Variants in CHADL observed in about 807,000 individuals in gnomAD.
CHADL encodes the protein chondroadherin-like protein.
In CHADL, 48 loss-of-function variants were observed where a neutral mutation model predicts 52.1. That is an observed-to-expected ratio of 0.92 (90% CI 0.73 to 1.17). The LOEUF (loss-of-function observed/expected upper bound fraction) is 1.17, where lower values mean the gene tolerates loss of function less well. Ranked by LOEUF, CHADL falls within the 50% of genes most tolerant of loss-of-function variation. CHADL has a pLI of 0.00. For synonymous variants in CHADL, 498 were observed against 511.2 expected, an observed-to-expected ratio of 0.97 and a Z score of 0.35; for missense variants, 977 against 1,035.1, an observed-to-expected ratio of 0.94 and a Z score of 0.77.
At position 41,235,195 on chromosome 22, in the gene CHADL, G is replaced by A; in HGVS notation, c.2212C>T (p.Pro738Ser). The change falls in exon 5 of 6, where the codon CCC becomes TCC. Residue 738 changes from proline (P) to serine (S), a missense_variant. Coordinates refer to ENST00000216241, the MANE Select transcript of CHADL (RefSeq NM_138481.2). ...TTGATGGGGGTTCTCCTGGCACTGG[G>A]CCTGGAGGCTGGTGTCCGCTTGGCC... Reference protein sequence around the residue: ...RKAKRTPASRPSARRTPIKGR... With the variant: ...RKAKRTPASRSSARRTPIKGR... 1 of 1,551,546 alleles carries A rather than the reference G, an allele frequency of 6.4e-7. No individual in the cohort carries two copies. The highest frequency in any genetic ancestry group is 8.7e-7 in the Non-Finnish European group (1 of 1,147,016).
At chr22:41,237,103 G>T in intron 3 of CHADL, 73 bp downstream of exon 3, 1 of 1,421,872 alleles carries the variant, frequency 7.0e-7, no homozygotes, top group Non-Finnish European at 9.4e-7. Flanking sequence ...GCAAATGCTT[G>T]TTGAGTGAAT....
rs2032810115 is a variant in CHADL, at chr22:41,238,966, C to G, written c.187-81G>C. The G allele has an allele frequency of 6.9e-7, 1 of 1,439,312 alleles. No homozygotes were observed. Among genetic ancestry groups the G allele is most frequent in the East Asian group, 2.5e-5 (1 of 39,972 alleles). The allele number at this position is 1,439,312 out of a possible 1,614,324, so 89.2% of individuals were successfully genotyped here. A position where few individuals can be genotyped will look rare whatever the true frequency, so the allele number is the denominator to read the frequency against. On this transcript the variant is annotated intron_variant, in intron 2 of 5. Transcript: ENST00000216241. This position sits in a 1 kb window ranked among gnomAD's most constrained non-coding sequence, Gnocchi z 4.9. ...AGTGCTGCTTCTTCCCCGGAACACT[C>G]TTTTCTCCTGTCACCTTTCCCATAT...
intron 4 of CHADL, 114 bp downstream of exon 4, chr22:41,236,370 C>T (rs2032739619): frequency 4.2e-6 from 4 of 945,628 alleles, no homozygotes; most frequent in Non-Finnish European, 6.4e-6. Flanking sequence ...GGACCCGCCC[C>T]TCCCCACAAG....
chr22:41,238,364 C>G lies in CHADL; in HGVS notation c.708G>C (p.Glu236Asp). ...LSQARGLARL[E>D]LGHNPLTYAG... ...CGTAGGTGAGCGGGTTGTGGCCCAG[C>G]TCCAGACGGGCCAGGCCGCGGGCCT... Residue 236 changes from glutamate (E) to aspartate (D), a missense_variant, in exon 3 of 6, where the codon GAG becomes GAC. Coordinates refer to ENST00000216241, the MANE Select transcript of CHADL (RefSeq NM_138481.2). This position sits in a 1 kb window ranked among gnomAD's most constrained non-coding sequence, Gnocchi z 4.9. 6.7e-7 allele frequency: 1 copy of G among 1,500,752 alleles called. No homozygotes were observed. The highest frequency in any genetic ancestry group is 8.8e-7 in the Non-Finnish European group (1 of 1,131,042). The allele number at this position is 1,500,752 out of a possible 1,614,324, so 93.0% of individuals were successfully genotyped here.
chr22:41,233,322 C>T lies in CHADL; in HGVS notation c.2262+1823G>A, dbSNP rs1267540809. Among the ~76,000 whole-genome samples, 2 of 152,078 alleles carry T rather than the reference C, an allele frequency of 1.3e-5. 1 individual carries two copies. Among genetic ancestry groups the T allele is most frequent in the South Asian group, 4.1e-4 (2 of 4,828 alleles). On this transcript the variant is annotated intron_variant, in intron 5 of 5. Coordinates refer to ENST00000216241, the MANE Select transcript of CHADL (RefSeq NM_138481.2). ...ACTAAAAATACAAAAGTTAGCCATG[C>T]GTGGTGGCACGCACCTGTAATCTCA...
chr22:41,229,732 TG>T lies in CHADL; in HGVS notation c.2263-3del, dbSNP rs770381871. On this transcript the variant is annotated splice_polypyrimidine_tract_variant and splice_region_variant and intron_variant, in intron 5 of 5. Coordinates refer to ENST00000216241, the MANE Select transcript of CHADL (RefSeq NM_138481.2). ...GAGACGACCCTTCTCCTTCCCCACC[TG>T]GGCACAGAAGAGTAGAGTCAGGTTT... The T allele has an allele frequency of 2.3e-5, 37 of 1,610,896 alleles. No homozygotes were observed. Among genetic ancestry groups the T allele is most frequent in the Non-Finnish European group, 3.1e-5 (36 of 1,179,358 alleles).
chr22:41,238,081 G>T lies in CHADL; in HGVS notation c.991C>A (p.Arg331Ser). 7.8e-7 allele frequency: 1 copy of T among 1,285,506 alleles called. No homozygotes were observed. The allele number at this position is 1,285,506 out of a possible 1,614,324, so 79.6% of individuals were successfully genotyped here. The change falls in exon 3 of 6, where the codon CGC becomes AGC. Residue 331 changes from arginine (R) to serine (S), a missense_variant. Transcript: ENST00000216241. The surrounding 1 kb of genome is among the most constrained non-coding windows in gnomAD (Gnocchi z 4.9). ...GGCCCCTGGCACGCGCCGTCCGAGCGCACGCGCGCCCGCGCCAGCCACTCG... is the reference window on the plus strand; with the variant it reads ...GGCCCCTGGCACGCGCCGTCCGAGCTCACGCGCGCCCGCGCCAGCCACTCG... ...LLEWLARARV[R>S]SDGACQGPRR...
In CHADL at chr22:41,239,570, A is replaced by G; in HGVS notation, c.59T>C (p.Leu20Pro). 6.5e-7 allele frequency: 1 copy of G among 1,547,334 alleles called. No individual in the cohort carries two copies. The highest frequency in any genetic ancestry group is 8.7e-7 in the Non-Finnish European group (1 of 1,145,380). Reference protein sequence around the residue: ...VPLVLPLLVLLLLAPARQAAA... With the variant: ...VPLVLPLLVLPLLAPARQAAA... Reference sequence around the variant, plus strand: ...GGCCTGCCTAGCCGGGGCCAGCAGCAGAAGTACAAGAAGCGGCAGCACCAA... The same window carrying G: ...GGCCTGCCTAGCCGGGGCCAGCAGCGGAAGTACAAGAAGCGGCAGCACCAA... The change falls in exon 2 of 6, where the codon CTG becomes CCG. Residue 20 changes from leucine to proline, a missense_variant. By Grantham distance (98) the Leu-to-Pro change is moderately conservative. Coordinates refer to ENST00000216241, the MANE Select transcript of CHADL (RefSeq NM_138481.2).
Position 41,238,619 on chromosome 22 carries a change from C to T in CHADL, c.453G>A (p.Pro151=), listed in dbSNP as rs142058150. The change falls in exon 3 of 6, where the codon CCG becomes CCA. Residue 151 remains proline (P), a synonymous_variant. Transcript: ENST00000216241. This position sits in a 1 kb window ranked among gnomAD's most constrained non-coding sequence, Gnocchi z 4.9. The part of the protein sequence containing the change: ...LEGNALEELR[P]GTFGALGALA... ...GCGCACCCAGTGCCCCGAACGTCCC[C>T]GGCCGCAGCTCCTCCAGTGCGTTCC... 6.5e-7 allele frequency: 1 copy of T among 1,544,442 alleles called. No individual in the cohort carries two copies. Among genetic ancestry groups the T allele is most frequent in the South Asian group, 1.2e-5 (1 of 84,030 alleles).
chr22:41,232,197 T>C (rs371006939), intron 5 of CHADL, among the ~76,000 whole-genome samples: 1 of 151,900 alleles, frequency 6.6e-6, no homozygotes, highest in Non-Finnish European at 1.5e-5. Flanking sequence ...CCGGGCGTGG[T>C]GGCAGTCACC....
chr22:41,230,075 C>G lies in CHADL; in HGVS notation c.2263-345G>C. On this transcript the variant is annotated intron_variant, in intron 5 of 5. Transcript: ENST00000216241. ...GGGAGCCAGGTCCCTTTCCCAGCTCCTCCGCCCCCACCCCTCCCAGAGTTA... is the reference window on the plus strand; with the variant it reads ...GGGAGCCAGGTCCCTTTCCCAGCTCGTCCGCCCCCACCCCTCCCAGAGTTA... 5.3e-6 allele frequency: 5 copies of G among 947,926 alleles called. No individual in the cohort carries two copies. The South Asian group carries it at 6.2e-5, about 12-fold the overall frequency. 58.7% of individuals were successfully genotyped at this position (947,926 alleles called of 1,614,324 possible).
At chr22:41,233,169 A>G (rs1467698735) in intron 5 of CHADL, among the ~76,000 whole-genome samples, 2 of 151,762 alleles carry the variant, frequency 1.3e-5, no homozygotes, top group Non-Finnish European at 2.9e-5. Context: ...ATTTATAAAA[A>G]GGGGAAATTT....
intron 5 of CHADL, chr22:41,230,080 C>CA: frequency 1.8e-6 from 1 of 548,900 alleles, no homozygotes; most frequent in Non-Finnish European, 3.2e-6. Context: ...AGCTCCTCCG[C>CA]CCCCACCCCT....
rs1200316970 is a variant in CHADL, at chr22:41,237,854, G to C, written c.1218C>G (p.Ser406=). Reference sequence around the variant, plus strand: ...CGCAGCCCTCGCAGCTGCTGTGCCGGGACTCGGGGACGCACACGCAGGCGC... The same window carrying C: ...CGCAGCCCTCGCAGCTGCTGTGCCGCGACTCGGGGACGCACACGCAGGCGC... The part of the protein sequence containing the change: ...CPRACVCVPE[S]RHSSCEGCGL... The change falls in exon 3 of 6, where the codon TCC becomes TCG. Residue 406 remains serine, a synonymous_variant. Coordinates refer to ENST00000216241, the MANE Select transcript of CHADL (RefSeq NM_138481.2). 2 of 1,423,922 alleles carry C rather than the reference G, an allele frequency of 1.4e-6. No individual in the cohort carries two copies. Among genetic ancestry groups the C allele is most frequent in the Non-Finnish European group, 1.8e-6 (2 of 1,093,360 alleles). 88.2% of individuals were successfully genotyped at this position (1,423,922 alleles called of 1,614,324 possible).
intron 1 of CHADL, among the ~76,000 whole-genome samples, chr22:41,240,616 C>T (rs76112915): frequency 0.011 from 1,636 of 152,340 alleles, 26 homozygotes; most frequent in African/African-American, 0.038. Context: ...GGGGACAGAT[C>T]GCTGAAGCGA....
chr22:41,237,634 G>A lies in CHADL; in HGVS notation c.1438C>T (p.Leu480Phe). The A allele has an allele frequency of 6.5e-7, 1 of 1,550,000 alleles. No individual in the cohort carries two copies. Among genetic ancestry groups the A allele is most frequent in the Non-Finnish European group, 8.7e-7 (1 of 1,146,600 alleles). The change falls in exon 3 of 6, where the codon CTC becomes TTC. Residue 480 changes from leucine (L) to phenylalanine (F), a missense_variant. Coordinates refer to ENST00000216241, the MANE Select transcript of CHADL (RefSeq NM_138481.2). ...AGGCCTGCGAGCTGGTTGTCGGAGAGGTACAGGTAGATCAGGCGGCCCAGC... is the reference window on the plus strand; with the variant it reads ...AGGCCTGCGAGCTGGTTGTCGGAGAAGTACAGGTAGATCAGGCGGCCCAGC... ...AGLGRLIYLY[L>F]SDNQLAGLSA...
Position 41,238,942 on chromosome 22 carries a change from G to A in CHADL, c.187-57C>T, listed in dbSNP as rs1171187415. The A allele has an allele frequency of 7.5e-6, 11 of 1,471,694 alleles. No individual in the cohort carries two copies. The highest frequency in any genetic ancestry group is 9.9e-6 in the Non-Finnish European group (11 of 1,107,342). 91.2% of individuals were successfully genotyped at this position (1,471,694 alleles called of 1,614,324 possible). On this transcript the variant is annotated intron_variant, in intron 2 of 5. Transcript: ENST00000216241. This position sits in a 1 kb window ranked among gnomAD's most constrained non-coding sequence, Gnocchi z 4.9. ...CCAGGCAGGGACCCCGCCTTTGCAAGTGCTGCTTCTTCCCCGGAACACTCT... is the reference window on the plus strand; with the variant it reads ...CCAGGCAGGGACCCCGCCTTTGCAAATGCTGCTTCTTCCCCGGAACACTCT...
chr22:41,238,885 G>C lies in CHADL; in HGVS notation c.187C>G (p.Leu63Val). Residue 63 changes from leucine (L) to valine (V), a missense_variant and splice_region_variant, in exon 3 of 6, where the codon CTG becomes GTG. By Grantham distance (32) the Leu-to-Val change is conservative (BLOSUM62 1). Coordinates refer to ENST00000216241, the MANE Select transcript of CHADL (RefSeq NM_138481.2). This position sits in a 1 kb window ranked among gnomAD's most constrained non-coding sequence, Gnocchi z 4.9. ...LTEVPDAIPE[L>V]TQRLDLQGNL... ...CCCTGCAGGTCCAGCCGCTGGGTCA[G>C]CTGGGGACAGCGAGGAGAAAGTGGG... The C allele has an allele frequency of 6.5e-7, 1 of 1,529,114 alleles. No individual in the cohort carries two copies. The highest frequency in any genetic ancestry group is 8.8e-7 in the Non-Finnish European group (1 of 1,131,878). The allele number at this position is 1,529,114 out of a possible 1,614,324, so 94.7% of individuals were successfully genotyped here.
At chr22:41,232,928 T>C (rs2032655962) in intron 5 of CHADL, among the ~76,000 whole-genome samples, 2 of 152,120 alleles carry the variant, frequency 1.3e-5, no homozygotes. Flanking sequence ...CGGGTCTGGC[T>C]TCCAAGGCAG....
Sources: gnomAD v4.1 joint callset for allele counts (sites outside exome capture counted in the v4.1 genomes callset) on GRCh38, gnomAD v4.1.1 for gene constraint, Gnocchi (gnomAD v3.1) non-coding constraint, MANE v1.5 for transcripts, NCBI Gene and HGNC (gene_info 2026-07-23, HGNC 2026-07-21) for gene names.